Variants in CACNA1C observed in about 807,000 individuals in gnomAD.
CACNA1C encodes voltage-dependent L-type calcium channel subunit alpha-1C.
CACNA1C carries 30 observed loss-of-function variants against 229.0 expected under a neutral mutation model. The ratio of observed to expected loss-of-function variants is 0.13; its 90% confidence interval spans 0.10 to 0.18. The LOEUF (loss-of-function observed/expected upper bound fraction) is 0.18. Ranked by LOEUF, CACNA1C falls within the 10% of genes least tolerant of loss-of-function variation. The pLI is 1.00. For synonymous variants in CACNA1C, 1,114 were observed against 1,132.5 expected (o/e 0.98, Z 0.33); for missense variants, 1,658 against 2,845.0 (o/e 0.58, Z 9.49).
chr12:2,479,291 T>G lies in CACNA1C; in HGVS notation c.758-6813T>G, dbSNP rs767587700. ...GTGCAGTAGTATGATCATAGTTCACTGTAAACTTGAACTCCTGGGCTCAAG... is the reference window on the plus strand; with the variant it reads ...GTGCAGTAGTATGATCATAGTTCACGGTAAACTTGAACTCCTGGGCTCAAG... On this transcript the variant is annotated intron_variant, in intron 5 of 46. Coordinates refer to ENST00000399655, the MANE Select transcript of CACNA1C (RefSeq NM_000719.7). This position sits in a 1 kb window ranked among gnomAD's most constrained non-coding sequence, Gnocchi z 4.3. 1.1e-3 allele frequency among the ~76,000 whole-genome samples: 169 copies of G among 152,316 alleles called. 1 individual carries two copies. The highest frequency in any genetic ancestry group is 9.8e-4 in the Admixed American group (15 of 15,302).
At chr12:2,318,178 C>T (rs1026596374) in intron 3 of CACNA1C, among the ~76,000 whole-genome samples, 1 of 152,198 alleles carries the variant, frequency 6.6e-6, no homozygotes. Flanking sequence ...GAGAAAAATT[C>T]GTGAGGCATT....
intron 3 of CACNA1C, among the ~76,000 whole-genome samples, chr12:2,273,087 G>T (rs1263457895): frequency 1.3e-5 from 2 of 152,104 alleles, no homozygotes; most frequent in African/African-American, 4.8e-5. Flanking sequence ...GTATCCACAG[G>T]TGATTGGTTC....
chr12:2,169,729 A>G (rs1566110952), intron 3 of CACNA1C, among the ~76,000 whole-genome samples: 1 of 152,074 alleles, frequency 6.6e-6, no homozygotes, highest in Non-Finnish European at 1.5e-5. Flanking sequence ...CTCTGCTCCT[A>G]CTATTTGAGG....
At chr12:2,122,813 C>G (rs896699643) in intron 3 of CACNA1C, among the ~76,000 whole-genome samples, 1 of 152,200 alleles carries the variant, frequency 6.6e-6, no homozygotes, top group African/African-American at 2.4e-5. Context: ...CCCCATATTT[C>G]CCGCATTGGA....
chr12:2,182,105 G>A lies in CACNA1C; in HGVS notation c.477+61675G>A, dbSNP rs1463332293. Among the ~76,000 whole-genome samples, 4 of 146,868 alleles carry A rather than the reference G, an allele frequency of 2.7e-5. No homozygotes were observed. In the South Asian group the frequency reaches 6.6e-4, roughly 24 times the overall value. On this transcript the variant is annotated intron_variant, in intron 3 of 46. Coordinates refer to ENST00000399655, the MANE Select transcript of CACNA1C (RefSeq NM_000719.7). Reference sequence around the variant, plus strand: ...GATTTTAACATCGGGAGGGAACTGGGGAGATTGTGTGTGAGTTTCTGTCTG... The same window carrying A: ...GATTTTAACATCGGGAGGGAACTGGAGAGATTGTGTGTGAGTTTCTGTCTG...
intron 5 of CACNA1C, among the ~76,000 whole-genome samples, chr12:2,478,106 T>C (rs1170373834): frequency 6.6e-6 from 1 of 152,044 alleles, no homozygotes; most frequent in Non-Finnish European, 1.5e-5. Flanking sequence ...ACTAACAGAA[T>C]AAAAGGGCAG....
chr12:2,004,570 C>A, intron 1 of CACNA1C: 1 of 1,257,966 alleles, frequency 7.9e-7, no homozygotes, highest in South Asian at 1.5e-5. Context: ...GTCACCCCCA[C>A]CCTCCTGCCC....
chr12:2,294,535 G>A (rs1025011144), intron 3 of CACNA1C, among the ~76,000 whole-genome samples: 16 of 152,036 alleles, frequency 1.1e-4, no homozygotes, highest in African/African-American at 2.9e-4. Context: ...GAACCATCGC[G>A]GTAGGCCTGA....
chr12:2,587,888 C>T (rs2153247571), intron 18 of CACNA1C, among the ~76,000 whole-genome samples: 1 of 152,330 alleles, frequency 6.6e-6, no homozygotes, highest in East Asian at 1.9e-4. Flanking sequence ...CCAGCCACCA[C>T]TCCGGCCTCT....
At chr12:2,326,765 C>T (rs765182734) in intron 3 of CACNA1C, among the ~76,000 whole-genome samples, 3 of 152,224 alleles carry the variant, frequency 2.0e-5, no homozygotes, top group East Asian at 1.9e-4. Context: ...CAAAGCTTAG[C>T]GTGATACTTG....
At chr12:2,220,331 G>A (rs904702135) in intron 3 of CACNA1C, among the ~76,000 whole-genome samples, 4 of 152,204 alleles carry the variant, frequency 2.6e-5, no homozygotes, top group East Asian at 1.9e-4. Context: ...GCATGCTAAC[G>A]CATGTGATAC....
At position 2,667,700 on chromosome 12, in the gene CACNA1C, C is replaced by T. The variant is rs138223112; in HGVS notation, c.4623+918C>T. ...AAGTGCGTCCGTTGTGGCCTCCGGA[C>T]GGGCCTGGGCAGGCTGAAGCCTGGG... On this transcript the variant is annotated intron_variant, in intron 37 of 46. Coordinates refer to ENST00000399655, the MANE Select transcript of CACNA1C (RefSeq NM_000719.7). Among the ~76,000 whole-genome samples the T allele has an allele frequency of 9.9e-3, 1,507 of 152,254 alleles. 16 individuals carry two copies. Among genetic ancestry groups the T allele is most frequent in the African/African-American group, 0.031 (1,270 of 41,542 alleles).
chr12:2,691,074 G>C lies in CACNA1C; in HGVS notation c.6292G>C (p.Val2098Leu). The change falls in exon 47 of 47, where the codon GTG becomes CTG. Residue 2098 changes from valine to leucine, a missense_variant. Around this residue, in one of 20 missense-constraint regions of CACNA1C, gnomAD observed 590 missense variants for 700.8 expected, o/e 0.84. Coordinates refer to ENST00000399655, the MANE Select transcript of CACNA1C (RefSeq NM_000719.7). ...CCCCAATGGCGCCCTCTTACCCTTTGTGAACTGCAGGGACGCGGGGCAGGA... is the reference window on the plus strand; with the variant it reads ...CCCCAATGGCGCCCTCTTACCCTTTCTGAACTGCAGGGACGCGGGGCAGGA... ...QSPNGALLPF[V>L]NCRDAGQDRA... The C allele has an allele frequency of 6.2e-7, 1 of 1,611,196 alleles. No homozygotes were observed. The highest frequency in any genetic ancestry group is 1.1e-5 in the South Asian group (1 of 90,430).
At position 1,971,182 on chromosome 12, in the gene CACNA1C, T is replaced by C; in HGVS notation, c.120T>C (p.Tyr40=). Reference sequence around the variant, plus strand: ...TGGTGCATGAAGCTCAACTCAACTATTTCTACATCTCTCCTGGAGGTAAGA... The same window carrying C: ...TGGTGCATGAAGCTCAACTCAACTACTTCTACATCTCTCCTGGAGGTAAGA... Residue 40 remains tyrosine, a synonymous_variant, in exon 1 of 47, where the codon TAT becomes TAC. Transcript: ENST00000682462. The surrounding 1 kb of genome is among the most constrained non-coding windows in gnomAD (Gnocchi z 4.2). The C allele has an allele frequency of 4.7e-6, 6 of 1,289,064 alleles. No homozygotes were observed. The highest frequency in any genetic ancestry group is 6.1e-6 in the Non-Finnish European group (6 of 988,220). 79.9% of individuals were successfully genotyped at this position (1,289,064 alleles called of 1,614,324 possible). A position where few individuals can be genotyped will look rare whatever the true frequency, so the allele number is the denominator to read the frequency against.
At chr12:2,670,144 A>G (rs1221455442) in intron 38 of CACNA1C, among the ~76,000 whole-genome samples, 9 of 152,226 alleles carry the variant, frequency 5.9e-5, no homozygotes, top group Admixed American at 5.2e-4. Context: ...AGGAATCTGC[A>G]TCTTGAACCA....
intron 1 of CACNA1C, among the ~76,000 whole-genome samples, chr12:1,975,600 G>C (rs1372706805): frequency 6.6e-6 from 1 of 152,082 alleles, no homozygotes; most frequent in African/African-American, 2.4e-5. Flanking sequence ...GCTAAACTGG[G>C]CTCTCTTAAA....
At chr12:2,619,735 T>G (rs1183638944) in intron 29 of CACNA1C, among the ~76,000 whole-genome samples, 1 of 152,182 alleles carries the variant, frequency 6.6e-6, no homozygotes, top group Non-Finnish European at 1.5e-5. Context: ...AACTCTTTGT[T>G]TGTGTGACTT....
At chr12:2,079,345 T>C (rs1197757153) in intron 1 of CACNA1C, among the ~76,000 whole-genome samples, 12 of 152,190 alleles carry the variant, frequency 7.9e-5, no homozygotes, top group Admixed American at 3.9e-4. Context: ...CAATTTACCA[T>C]AGACTGGGTG....
rs763965394 is a variant in CACNA1C, at chr12:2,674,446, G to A, written c.4727-95G>A. ...AAACTGATGAGTCAGGGTTGCGTGG[G>A]GCAGATGCCACCATCTGTGGCTTCC... On this transcript the variant is annotated intron_variant, in intron 38 of 46. Coordinates refer to ENST00000399655, the MANE Select transcript of CACNA1C (RefSeq NM_000719.7). The A allele has an allele frequency of 4.0e-6, 6 of 1,484,940 alleles. No individual in the cohort carries two copies. In the African/African-American group the frequency reaches 4.2e-5, roughly 10 times the overall value. 92.0% of individuals were successfully genotyped at this position (1,484,940 alleles called of 1,614,324 possible).
Sources: gnomAD v4.1 joint callset for allele counts (sites outside exome capture counted in the v4.1 genomes callset) on GRCh38, gnomAD v4.1.1 for gene constraint, gnomAD v4.1.1 regional missense constraint, Gnocchi (gnomAD v3.1) non-coding constraint, MANE v1.5 for transcripts, NCBI Gene and HGNC (gene_info 2026-07-23, HGNC 2026-07-21) for gene names.